SLC25A13: variants seen among roughly 807,000 people sequenced by gnomAD.
The protein encoded by SLC25A13 is solute carrier family 25 member 13.
SLC25A13 carries 70 observed loss-of-function variants against 85.5 expected under a neutral mutation model. The observed-to-expected ratio is 0.82, with a 90% confidence interval of 0.68 to 1.00. The LOEUF is 1.00. Ranked by LOEUF, SLC25A13 falls within the 50% of genes least tolerant of loss-of-function variation. The pLI is 0.00. For synonymous variants in SLC25A13, 259 were observed against 288.7 expected, an observed-to-expected ratio of 0.90 and a Z score of 1.04; for missense variants, 765 against 819.8, an observed-to-expected ratio of 0.93 and a Z score of 0.82.
intron 4 of SLC25A13, among the ~76,000 whole-genome samples, chr7:96,216,446 T>C (rs1020811419): frequency 6.6e-6 from 1 of 152,100 alleles, no homozygotes; most frequent in African/African-American, 2.4e-5. Flanking sequence ...GACACATGCA[T>C]GTGTACATTC....
At chr7:96,190,127 C>T (rs1159682403) in intron 7 of SLC25A13, among the ~76,000 whole-genome samples, 1 of 149,350 alleles carries the variant, frequency 6.7e-6, no homozygotes, top group Non-Finnish European at 1.5e-5. Context: ...CTCTGTTGCC[C>T]AGGCTGGAGT....
chr7:96,212,170 C>T (rs935644792), intron 4 of SLC25A13, among the ~76,000 whole-genome samples: 1 of 152,182 alleles, frequency 6.6e-6, no homozygotes, highest in Non-Finnish European at 1.5e-5. Context: ...GTCCATGTGA[C>T]TGGTGCCTCC....
At chr7:96,196,045 T>C (rs927144361) in intron 5 of SLC25A13, among the ~76,000 whole-genome samples, 2 of 152,200 alleles carry the variant, frequency 1.3e-5, no homozygotes, top group Non-Finnish European at 2.9e-5. Context: ...TTTAGATGTA[T>C]AGTAGGTGCT....
chr7:96,239,367 T>C (rs1259899994), intron 3 of SLC25A13, among the ~76,000 whole-genome samples: 2 of 149,908 alleles, frequency 1.3e-5, no homozygotes, highest in African/African-American at 2.4e-5. Flanking sequence ...AAAATGTTTA[T>C]ATATATATAT....
chr7:96,213,474 C>G (rs558429231), intron 4 of SLC25A13, among the ~76,000 whole-genome samples: 1 of 152,352 alleles, frequency 6.6e-6, no homozygotes, highest in East Asian at 1.9e-4. Context: ...ACTCTATACT[C>G]TGGCTCCCAC....
chr7:96,203,474 G>A (rs1343680255), intron 5 of SLC25A13, among the ~76,000 whole-genome samples: 1 of 152,134 alleles, frequency 6.6e-6, no homozygotes, highest in Non-Finnish European at 1.5e-5. Context: ...AACAAATCCA[G>A]AAAACTTCTT....
chr7:96,293,426 A>C (rs1369281692), intron 2 of SLC25A13, among the ~76,000 whole-genome samples: 1 of 152,218 alleles, frequency 6.6e-6, no homozygotes, highest in African/African-American at 2.4e-5. Context: ...AAAATTGACA[A>C]ATGGGATCTA....
intron 15 of SLC25A13, among the ~76,000 whole-genome samples, chr7:96,123,950 G>A (rs888049324): frequency 6.6e-6 from 1 of 152,178 alleles, no homozygotes; most frequent in Non-Finnish European, 1.5e-5. Context: ...CTAAAGACAG[G>A]GGAGCAAGAG....
intron 13 of SLC25A13, among the ~76,000 whole-genome samples, chr7:96,152,836 CAAT>C (rs1191480313): frequency 2.0e-5 from 3 of 152,172 alleles, no homozygotes; most frequent in Non-Finnish European, 4.4e-5. Context: ...AAAGGACCAA[CAAT>C]GTCTACTGAC....
rs1562774276 is a variant in SLC25A13, at chr7:96,121,717, A to C, written c.1779T>G (p.Phe593Leu). The C allele has an allele frequency of 3.1e-6, 5 of 1,614,230 alleles. No homozygotes were observed. Among genetic ancestry groups the C allele is most frequent in the Non-Finnish European group, 1.7e-6 (2 of 1,180,042 alleles). ...ATTCGTAAGTCAGCAAAGTTACACC[A>C]AACTGGGGTGAGGATCGAAATACAC... ...GARVFRSSPQ[F>L]GVTLLTYELL... is the part of the protein sequence containing the mutation. Residue 593 changes from phenylalanine to leucine, a missense_variant, in exon 17 of 18, where the codon TTT (phenylalanine) becomes TTG (leucine). Phe to Leu is a conservative substitution (Grantham distance 22, BLOSUM62 0). Transcript: ENST00000265631.
intron 2 of SLC25A13, among the ~76,000 whole-genome samples, chr7:96,289,483 C>A (rs1005883650): frequency 1.3e-5 from 2 of 151,962 alleles, no homozygotes; most frequent in South Asian, 4.1e-4. Flanking sequence ...AAGTTCGAAC[C>A]CAAAGCAAAG....
chr7:96,316,440 A>C (rs976849693), intron 1 of SLC25A13, among the ~76,000 whole-genome samples: 1 of 152,170 alleles, frequency 6.6e-6, no homozygotes, highest in Non-Finnish European at 1.5e-5. Context: ...GATGATCAGG[A>C]AATATACACA....
chr7:96,293,467 G>T (rs1380170770), intron 2 of SLC25A13, among the ~76,000 whole-genome samples: 3 of 152,100 alleles, frequency 2.0e-5, no homozygotes, highest in African/African-American at 4.8e-5. Context: ...CACAGCAAAA[G>T]AAACAACCAT....
In SLC25A13 at chr7:96,121,754, AAAT is replaced by A. The variant is rs752982681; in HGVS notation, c.1751-12_1751-10del. On this transcript the variant is annotated splice_polypyrimidine_tract_variant and intron_variant, in intron 16 of 17. Coordinates refer to ENST00000265631, the MANE Select transcript of SLC25A13 (RefSeq NM_014251.3). ...GGATCGAAATACACGAGCTTTAAAA[AAAT>A]GGAGAAATCACAGATATAATTAGAT... 8.7e-6 allele frequency: 14 copies of A among 1,614,198 alleles called. No individual in the cohort carries two copies. The South Asian group carries it at 1.1e-4, about 13-fold the overall frequency.
chr7:96,317,011 C>T (rs1277808390), intron 1 of SLC25A13, among the ~76,000 whole-genome samples: 1 of 152,050 alleles, frequency 6.6e-6, no homozygotes, highest in Non-Finnish European at 1.5e-5. Context: ...GCTCTGTCAC[C>T]CAGGCTGGAG....
rs538499097 is a variant in SLC25A13 at position 96,185,335 on chromosome 7, C to T, written c.934-324G>A. ...CACTGAGGCCAGGCACGGTGGCTCA[C>T]GCCTGTAATCCCAGCACTTTGGGAG... is the stretch of plus-strand genomic sequence containing the variant. On this transcript the variant is annotated intron_variant, in intron 9 of 17. Coordinates refer to ENST00000265631, the MANE Select transcript of SLC25A13 (RefSeq NM_014251.3). Among the ~76,000 whole-genome samples the T allele has an allele frequency of 1.3e-4, 20 of 152,030 alleles. No individual in the cohort carries two copies. In the East Asian group the frequency reaches 1.8e-3, roughly 13 times the overall value.
intron 12 of SLC25A13, 68 bp downstream of exon 12, chr7:96,171,404 G>T: frequency 7.0e-7 from 1 of 1,420,420 alleles, no homozygotes; most frequent in South Asian, 1.2e-5. Flanking sequence ...TTTCCTATAA[G>T]AATACCTGCT....
chr7:96,203,775 C>G (rs1001775870), intron 5 of SLC25A13, among the ~76,000 whole-genome samples: 13 of 152,000 alleles, frequency 8.6e-5, no homozygotes, highest in Admixed American at 2.0e-4. Flanking sequence ...ACAAAAAAAC[C>G]TGGAAATGAC....
chr7:96,276,924 T>C (rs570799568), intron 3 of SLC25A13, among the ~76,000 whole-genome samples: 2 of 152,330 alleles, frequency 1.3e-5, no homozygotes, highest in Admixed American at 6.5e-5. Flanking sequence ...CTCATACATC[T>C]GCACATCACC....
Sources: allele counts gnomAD v4.1 joint callset (sites outside exome capture counted in the v4.1 genomes callset), GRCh38; gene constraint gnomAD v4.1.1; transcripts MANE v1.5; gene names NCBI Gene and HGNC (gene_info 2026-07-23, HGNC 2026-07-21).